The following RGS17 variants were observed in gnomAD, a reference collection of about 807,000 sequenced individuals.
RGS17 encodes the protein regulator of G-protein signaling 17.
RGS17 carries 12 observed loss-of-function variants against 25.5 expected under a neutral mutation model. The observed-to-expected ratio is 0.47, with a 90% CI of 0.30 to 0.76. The LOEUF (loss-of-function observed/expected upper bound fraction) is 0.76. Among genes scored for constraint, RGS17 ranks in the 30% least tolerant of loss-of-function variants. RGS17 has a pLI of 0.07. For missense variants in RGS17, 196 were observed against 242.2 expected, an observed-to-expected ratio of 0.81 and a Z score of 1.27; for synonymous variants, 71 against 76.9, an observed-to-expected ratio of 0.92 and a Z score of 0.40.
chr6:153,050,426 C>T (rs1370792847), intron 1 of RGS17, among the ~76,000 whole-genome samples: 4 of 151,948 alleles, frequency 2.6e-5, no homozygotes, highest in Non-Finnish European at 5.9e-5. Context: ...GAAAAATTGG[C>T]AAACAAATTT....
intron 1 of RGS17, among the ~76,000 whole-genome samples, chr6:153,079,850 T>C (rs1203965415): frequency 6.6e-6 from 1 of 152,216 alleles, no homozygotes; most frequent in African/African-American, 2.4e-5. Flanking sequence ...TGAAATACTT[T>C]GTGAAGATTC....
Position 153,127,134 on chromosome 6 carries a change from G to A in RGS17, c.-26+3990C>T, listed in dbSNP as rs534639021. On this transcript the variant is annotated intron_variant, in intron 1 of 4. Coordinates refer to ENST00000206262, the MANE Select transcript of RGS17 (RefSeq NM_012419.5). Reference sequence around the variant, plus strand: ...ATGCGCAGCTCACAATAGGGGTCACGCTCCTATGAGAATCTAATGCCAGCC... The same window carrying A: ...ATGCGCAGCTCACAATAGGGGTCACACTCCTATGAGAATCTAATGCCAGCC... 4.6e-5 allele frequency among the ~76,000 whole-genome samples: 7 copies of A among 152,234 alleles called. No homozygotes were observed. In the South Asian group the frequency reaches 8.3e-4, roughly 18 times the overall value.
At chr6:153,085,786 T>C (rs1243295783) in intron 1 of RGS17, among the ~76,000 whole-genome samples, 1 of 152,190 alleles carries the variant, frequency 6.6e-6, no homozygotes, top group Admixed American at 6.6e-5. Flanking sequence ...ATCCATTAAG[T>C]GTCCAAGAGA....
chr6:153,073,593 G>A (rs4385321), intron 1 of RGS17, among the ~76,000 whole-genome samples: 63,730 of 151,954 alleles, frequency 0.42, 13,839 homozygotes, highest in East Asian at 0.68. Context: ...TCTGAGGCAT[G>A]CAGGCACAAG....
rs766892546 is a variant in RGS17, at chr6:153,043,487, T to TAAA, written c.119+410_119+412dup. Among the ~76,000 whole-genome samples, 779 of 135,492 alleles carry TAAA rather than the reference T, an allele frequency of 5.7e-3. 4 individuals are homozygous for TAAA. Among genetic ancestry groups the TAAA allele is most frequent in the Non-Finnish European group, 9.5e-3 (595 of 62,572 alleles). 88.9% of individuals were successfully genotyped at this position (135,492 alleles called of 152,430 possible). ...ACCCTATCAAGTAGCAGCAGAGAACTAAAAAAAAAAAAAAACACATGCAAT... is the reference window on the plus strand; with the variant it reads ...ACCCTATCAAGTAGCAGCAGAGAACTAAAAAAAAAAAAAAAAAACACATGCAAT... On this transcript the variant is annotated intron_variant, in intron 2 of 4. Coordinates refer to ENST00000206262, the MANE Select transcript of RGS17 (RefSeq NM_012419.5).
rs192101819 is a variant in RGS17 at position 153,008,545 on chromosome 6, C to T, written c.*3029G>A. ...AAGATCAATCTCTGAAGAAATCTGG[C>T]TCTCCAATTTATTTATATATACATA... On this transcript the variant is annotated 3_prime_UTR_variant, in exon 5 of 5. Transcript: ENST00000206262. 2.0e-5 allele frequency: 3 copies of T among 152,314 alleles called. No homozygotes were observed. In the East Asian group the frequency reaches 5.8e-4, roughly 29 times the overall value. The allele number at this position is 152,314 out of a possible 1,614,324, so 9.4% of individuals were successfully genotyped here. A position where few individuals can be genotyped will look rare whatever the true frequency, so the allele number is the denominator to read the frequency against.
At chr6:153,072,654 C>T (rs1040374696) in intron 1 of RGS17, among the ~76,000 whole-genome samples, 1 of 152,190 alleles carries the variant, frequency 6.6e-6, no homozygotes, top group African/African-American at 2.4e-5. Flanking sequence ...GCTAAGCCCT[C>T]AGAGGGCTCA....
intron 1 of RGS17, among the ~76,000 whole-genome samples, chr6:153,047,584 CTCAT>C (rs1032952085): frequency 1.3e-5 from 2 of 152,146 alleles, no homozygotes; most frequent in African/African-American, 4.8e-5. Context: ...AGGTAATTAG[CTCAT>C]GATAGCTGAG....
intron 4 of RGS17, among the ~76,000 whole-genome samples, chr6:153,019,605 C>A (rs1011014888): frequency 6.6e-6 from 1 of 151,980 alleles, no homozygotes; most frequent in Non-Finnish European, 1.5e-5. Context: ...TGAATTCTTG[C>A]GAGATCTGGT....
chr6:153,015,712 G>A (rs888427932), intron 4 of RGS17, among the ~76,000 whole-genome samples: 1 of 151,072 alleles, frequency 6.6e-6, no homozygotes, highest in African/African-American at 2.4e-5. Context: ...GGAGTGCAGT[G>A]GCGCGATCTC....
chr6:153,124,460 C>T (rs1777678073), intron 1 of RGS17, among the ~76,000 whole-genome samples: 1 of 152,128 alleles, frequency 6.6e-6, no homozygotes, highest in Admixed American at 6.5e-5. Context: ...CCTTCAAGCC[C>T]TTATTGTTTA....
rs577432776 is a variant in RGS17, at chr6:153,046,573, C to T, written c.-25-2530G>A. On this transcript the variant is annotated intron_variant, in intron 1 of 4. Coordinates refer to ENST00000206262, the MANE Select transcript of RGS17 (RefSeq NM_012419.5). ...AAATATGAAATAAGAAAAGACATAA[C>T]GGGAATGTAAAAACAAACACAAATA... Among the ~76,000 whole-genome samples the T allele has an allele frequency of 4.6e-5, 7 of 151,490 alleles. No homozygotes were observed. The South Asian group carries it at 6.3e-4, about 14-fold the overall frequency.
At chr6:153,096,391 G>C (rs1181295144) in intron 1 of RGS17, among the ~76,000 whole-genome samples, 2 of 152,206 alleles carry the variant, frequency 1.3e-5, no homozygotes, top group Non-Finnish European at 2.9e-5. Context: ...TGAGGGTTTT[G>C]CAATGCATGT....
chr6:153,015,852 T>A (rs757551947), intron 4 of RGS17, among the ~76,000 whole-genome samples: 4 of 151,916 alleles, frequency 2.6e-5, no homozygotes, highest in African/African-American at 9.7e-5. Flanking sequence ...ACGGGGTTTC[T>A]CCGTGTTAGC....
At chr6:153,094,452 A>G (rs2129122206) in intron 1 of RGS17, among the ~76,000 whole-genome samples, 1 of 152,298 alleles carries the variant, frequency 6.6e-6, no homozygotes, top group East Asian at 1.9e-4. Context: ...TGATAATTAG[A>G]TAATATTATA....
At chr6:153,111,684 C>T (rs1338365810) in intron 1 of RGS17, among the ~76,000 whole-genome samples, 2 of 152,230 alleles carry the variant, frequency 1.3e-5, no homozygotes, top group Admixed American at 1.3e-4. Flanking sequence ...ACACCTCATA[C>T]AGGAGAGCTA....
intron 4 of RGS17, among the ~76,000 whole-genome samples, chr6:153,016,266 T>G (rs1054618409): frequency 9.2e-5 from 14 of 152,236 alleles, no homozygotes; most frequent in Non-Finnish European, 2.9e-5. Context: ...ATTTTTGCAT[T>G]TATATGCCAG....
chr6:153,015,101 A>G (rs1274200786), intron 4 of RGS17, among the ~76,000 whole-genome samples: 1 of 152,182 alleles, frequency 6.6e-6, no homozygotes, highest in Admixed American at 6.5e-5. Context: ...GATAGGACTG[A>G]TTGCTCCGAT....
At chr6:153,050,660 T>C (rs932989441) in intron 1 of RGS17, among the ~76,000 whole-genome samples, 3 of 152,208 alleles carry the variant, frequency 2.0e-5, no homozygotes, top group African/African-American at 7.2e-5. Flanking sequence ...AAGAACAATA[T>C]TGACTACATG....
Sources: allele counts gnomAD v4.1 joint callset (sites outside exome capture counted in the v4.1 genomes callset), GRCh38; gene constraint gnomAD v4.1.1; transcripts MANE v1.5; gene names NCBI Gene and HGNC (gene_info 2026-07-23, HGNC 2026-07-21).